The following PTK2 variants were observed in gnomAD, a reference collection of about 807,000 sequenced individuals.
The protein encoded by PTK2 is focal adhesion kinase 1.
PTK2 carries 45 observed loss-of-function variants against 150.1 expected under a neutral mutation model. The observed-to-expected ratio is 0.30, with a 90% CI of 0.24 to 0.38. PTK2 has a LOEUF of 0.38. Among genes scored for constraint, PTK2 ranks in the 10% least tolerant of loss-of-function variants. PTK2 has a pLI of 1.00. For synonymous variants in PTK2, 432 were observed against 449.2 expected (o/e 0.96, Z 0.48); for missense variants, 919 against 1,307.3 (o/e 0.70, Z 4.58).
At chr8:140,776,749 C>G (rs1339098861) in intron 14 of PTK2, among the ~76,000 whole-genome samples, 1 of 152,084 alleles carries the variant, frequency 6.6e-6, no homozygotes, top group African/African-American at 2.4e-5. Context: ...GGCCACGGGT[C>G]TGGAGTTCAA....
chr8:140,928,814 G>C (rs1438226872), intron 1 of PTK2, among the ~76,000 whole-genome samples: 1 of 152,052 alleles, frequency 6.6e-6, no homozygotes, highest in Non-Finnish European at 1.5e-5. Flanking sequence ...TATGGGCATA[G>C]AGCTTCATAG....
intron 1 of PTK2, among the ~76,000 whole-genome samples, chr8:140,935,198 C>G (rs955298176): frequency 2.0e-5 from 3 of 152,016 alleles, no homozygotes; most frequent in African/African-American, 7.3e-5. Flanking sequence ...TAGAACCAAA[C>G]AGAAGGAAAA....
intron 29 of PTK2, chr8:140,669,051 G>C (rs1206180022): frequency 6.6e-6 from 1 of 152,354 alleles, no homozygotes; most frequent in East Asian, 1.9e-4. Flanking sequence ...AGCCAGCTCT[G>C]TGCTGACTGC....
chr8:140,838,740 C>T (rs1316993103), intron 7 of PTK2, among the ~76,000 whole-genome samples: 1 of 152,156 alleles, frequency 6.6e-6, no homozygotes, highest in African/African-American at 2.4e-5. Flanking sequence ...GGCGCGGTGG[C>T]TCACGCTTGT....
chr8:140,745,956 C>T (rs1351929848), intron 18 of PTK2, among the ~76,000 whole-genome samples: 5 of 149,496 alleles, frequency 3.3e-5, no homozygotes, highest in African/African-American at 7.4e-5. Flanking sequence ...GCTGAGATCG[C>T]GCCATTGCAC....
In PTK2 at chr8:140,968,941, T is replaced by C. The variant is rs1251605364; in HGVS notation, c.-122+32184A>G. Among the ~76,000 whole-genome samples the C allele has an allele frequency of 1.8e-4, 27 of 152,216 alleles. 1 individual carries two copies. The highest frequency in any genetic ancestry group is 1.8e-3 in the Admixed American group (27 of 15,286). Reference sequence around the variant, plus strand: ...GGGACGCAAAATCATTTGAGCATCATGGCCCAGCTGAAACTGGTGACCATT... The same window carrying C: ...GGGACGCAAAATCATTTGAGCATCACGGCCCAGCTGAAACTGGTGACCATT... On this transcript the variant is annotated intron_variant, in intron 1 of 31. Coordinates refer to ENST00000522684, the Ensembl canonical transcript of PTK2.
intron 15 of PTK2, among the ~76,000 whole-genome samples, chr8:140,763,042 A>G (rs1281713694): frequency 6.6e-6 from 1 of 152,202 alleles, no homozygotes; most frequent in Non-Finnish European, 1.5e-5. Flanking sequence ...TCTGTCTCCC[A>G]AAGTGCTGAG....
chr8:140,667,738 A>T (rs1168979085), intron 30 of PTK2, among the ~76,000 whole-genome samples: 1 of 152,152 alleles, frequency 6.6e-6, no homozygotes, highest in Non-Finnish European at 1.5e-5. Context: ...TTCAATGAAC[A>T]CCCACATACC....
rs550117328 is a variant in PTK2, at chr8:140,921,201, C to T, written c.-33+4460G>A. 2.5e-5 allele frequency: 25 copies of T among 995,074 alleles called. No homozygotes were observed. In the East Asian group the frequency reaches 5.7e-4, roughly 23 times the overall value. 61.6% of individuals were successfully genotyped at this position (995,074 alleles called of 1,614,324 possible). ...ATGAAACCAGCTTAGTAATGTGACCCCATGGCTCTGTGTTCCTAGATTCAT... is the reference window on the plus strand; with the variant it reads ...ATGAAACCAGCTTAGTAATGTGACCTCATGGCTCTGTGTTCCTAGATTCAT... On this transcript the variant is annotated intron_variant, in intron 2 of 31. Coordinates refer to ENST00000522684, the Ensembl canonical transcript of PTK2.
chr8:140,839,865 G>A (rs1057143319), intron 7 of PTK2, among the ~76,000 whole-genome samples: 3 of 152,076 alleles, frequency 2.0e-5, no homozygotes, highest in African/African-American at 2.4e-5. Context: ...AAAAGAAATC[G>A]AAGCACAAGA....
At chr8:140,864,615 G>A (rs2100138200) in intron 4 of PTK2, among the ~76,000 whole-genome samples, 1 of 152,122 alleles carries the variant, frequency 6.6e-6, no homozygotes, top group South Asian at 2.1e-4. Context: ...GTGATTCAAG[G>A]AAACAGAGCA....
intron 26 of PTK2, among the ~76,000 whole-genome samples, chr8:140,695,328 G>T (rs567430993): frequency 6.6e-6 from 1 of 152,000 alleles, no homozygotes; most frequent in African/African-American, 2.4e-5. Flanking sequence ...TTATTTGAAT[G>T]ACCACTCAAC....
intron 10 of PTK2, among the ~76,000 whole-genome samples, chr8:140,805,550 CAAAA>C (rs59135954): frequency 1.2e-5 from 1 of 82,246 alleles, no homozygotes; most frequent in Non-Finnish European, 2.5e-5. Flanking sequence ...AACTCTGTCT[CAAAA>C]AAAAAAAAAA....
At chr8:140,706,896 G>A (rs2100034124) in intron 23 of PTK2, among the ~76,000 whole-genome samples, 2 of 152,108 alleles carry the variant, frequency 1.3e-5, no homozygotes, top group South Asian at 2.1e-4. Context: ...ACACAAACAT[G>A]TACATGAATG....
At chr8:140,660,026 ATTTT>A (rs934753265) in intron 31 of PTK2, among the ~76,000 whole-genome samples, 3 of 151,618 alleles carry the variant, frequency 2.0e-5, no homozygotes, top group African/African-American at 7.3e-5. Flanking sequence ...GCATTTAAAC[ATTTT>A]TTTTACTTAC....
rs147260509 is a variant in PTK2, at chr8:140,763,782, C to T, written c.1234+452G>A. Among the ~76,000 whole-genome samples the T allele has an allele frequency of 4.0e-3, 611 of 151,956 alleles. 3 individuals are homozygous for T. The highest frequency in any genetic ancestry group is 0.014 in the African/African-American group (594 of 41,430). On this transcript the variant is annotated intron_variant, in intron 15 of 31. Transcript: ENST00000522684. ...TTAGTCAATGGCAACAAAGAATAAA[C>T]AATTTAAAGGGGGAAAATGCAAATT...
intron 22 of PTK2, among the ~76,000 whole-genome samples, chr8:140,729,703 A>G (rs1037281619): frequency 6.6e-6 from 1 of 152,156 alleles, no homozygotes; most frequent in Middle Eastern, 3.2e-3. Flanking sequence ...CAATATTAAC[A>G]ACCTGCTCAC....
chr8:140,968,531 T>A (rs2154609582), intron 1 of PTK2, among the ~76,000 whole-genome samples: 1 of 152,312 alleles, frequency 6.6e-6, no homozygotes, highest in East Asian at 1.9e-4. Flanking sequence ...TTGGTCAACA[T>A]CATACAGGGA....
chr8:140,772,184 C>T (rs977901166), intron 14 of PTK2, among the ~76,000 whole-genome samples: 1 of 152,130 alleles, frequency 6.6e-6, no homozygotes, highest in Non-Finnish European at 1.5e-5. Context: ...TATGATGGCC[C>T]TAGAGGAAAG....
Sources: gnomAD v4.1 joint callset for allele counts (sites outside exome capture counted in the v4.1 genomes callset) on GRCh38, gnomAD v4.1.1 for gene constraint, MANE v1.5 for transcripts, NCBI Gene and HGNC (gene_info 2026-07-23, HGNC 2026-07-21) for gene names.